C4orf50: variants seen among roughly 807,000 people sequenced by gnomAD.
The protein encoded by C4orf50 is chromosome 4 open reading frame 50, also known as uncharacterized protein C4orf50.
In C4orf50, 80 loss-of-function variants were observed where a neutral mutation model predicts 77.2. The observed-to-expected ratio is 1.04, with a 90% CI of 0.87 to 1.25. The LOEUF (loss-of-function observed/expected upper bound fraction) is 1.25, where lower values mean the gene tolerates loss of function less well. Ranked by LOEUF, C4orf50 falls within the 50% of genes most tolerant of loss-of-function variation. The pLI is 0.00. For missense variants in C4orf50, 1,257 were observed against 1,152.9 expected (o/e 1.09, Z -1.31); for synonymous variants, 532 against 465.3 (o/e 1.14, Z -1.84).
Position 6,009,411 on chromosome 4 carries a change from C to G in C4orf50, c.427-879G>C, listed in dbSNP as rs535342032. Among the ~76,000 whole-genome samples, 63 of 152,210 alleles carry G rather than the reference C, an allele frequency of 4.1e-4. No homozygotes were observed. Among genetic ancestry groups the G allele is most frequent in the Non-Finnish European group, 7.9e-4 (54 of 68,036 alleles). On this transcript the variant is annotated intron_variant, in intron 24 of 33. Transcript: ENST00000531445. This position sits in a 1 kb window ranked among gnomAD's most constrained non-coding sequence, Gnocchi z 5.6. Reference sequence around the variant, plus strand: ...AAAACAAAAACAAACAAACTAAGAGCAAACGTGAAAGAGGAAACCTGGAAA... The same window carrying G: ...AAAACAAAAACAAACAAACTAAGAGGAAACGTGAAAGAGGAAACCTGGAAA...
At chr4:6,014,016 T>G (rs1217967688) in intron 23 of C4orf50, among the ~76,000 whole-genome samples, 1 of 151,984 alleles carries the variant, frequency 6.6e-6, no homozygotes, top group African/African-American at 2.4e-5. Flanking sequence ...TTTTTTTTTT[T>G]TTTGAGATGG....
rs905943788 is a variant in C4orf50 at position 5,946,433 on chromosome 4, C to T, written c.*2474+10468G>A. 4.6e-5 allele frequency among the ~76,000 whole-genome samples: 7 copies of T among 152,142 alleles called. No individual in the cohort carries two copies. The South Asian group carries it at 1.2e-3, about 27-fold the overall frequency. On this transcript the variant is annotated intron_variant, in intron 7 of 7. Transcript: ENST00000324058. ...TTTCCCTTCTCGTTAAAGAATAAAT[C>T]GTAAGTGTTAGAAATAATAGTTTCT...
chr4:6,004,340 T>C (rs1197122330), intron 25 of C4orf50, among the ~76,000 whole-genome samples: 2 of 128,276 alleles, frequency 1.6e-5, no homozygotes, highest in Non-Finnish European at 3.2e-5. Flanking sequence ...ATGATGGTGA[T>C]GGTGATGATG....
At chr4:5,973,510 G>A (rs1378129748) in intron 31 of C4orf50, 149 bp downstream of exon 9, 1 of 699,420 alleles carries the variant, frequency 1.4e-6, no homozygotes, top group African/African-American at 1.8e-5. Context: ...CATGGGCACA[G>A]AGGAAAAGCC....
chr4:6,013,537 G>C (rs1377786050), intron 23 of C4orf50, among the ~76,000 whole-genome samples: 1 of 152,186 alleles, frequency 6.6e-6, no homozygotes, highest in Non-Finnish European at 1.5e-5. Flanking sequence ...TGGAACCTAT[G>C]AATGTTACCT....
At chr4:5,935,480 C>T (rs1717966780) in intron 7 of C4orf50, among the ~76,000 whole-genome samples, 1 of 152,186 alleles carries the variant, frequency 6.6e-6, no homozygotes, top group South Asian at 2.1e-4. Context: ...CTGAAACACA[C>T]AGGATTCCTA....
chr4:5,970,183 G>A lies in C4orf50; in HGVS notation c.4105-2721C>T, dbSNP rs1417773802. On this transcript the variant is annotated intron_variant, in intron 31 of 33. Coordinates refer to ENST00000531445, the Ensembl canonical transcript of C4orf50. The surrounding 1 kb of genome is among the most constrained non-coding windows in gnomAD (Gnocchi z 4.3). Reference sequence around the variant, plus strand: ...AAAAGGCCCACTGGGGCTAGGGGTCGGGGGGCATAGAGAGGAAGCAAAACA... The same window carrying A: ...AAAAGGCCCACTGGGGCTAGGGGTCAGGGGGCATAGAGAGGAAGCAAAACA... Among the ~76,000 whole-genome samples, 1 of 151,696 alleles carries A rather than the reference G, an allele frequency of 6.6e-6. No homozygotes were observed. The highest frequency in any genetic ancestry group is 1.5e-5 in the Non-Finnish European group (1 of 67,928).
intron 33 of C4orf50, among the ~76,000 whole-genome samples, chr4:5,963,532 T>C (rs6826497): frequency 0.65 from 98,552 of 152,042 alleles, 32,666 homozygotes; most frequent in African/African-American, 0.69. Flanking sequence ...CATGATTTCA[T>C]TGAATTGTCC....
intron 7 of C4orf50, among the ~76,000 whole-genome samples, chr4:5,927,121 G>T (rs539792819): frequency 8.5e-5 from 13 of 152,180 alleles, no homozygotes; most frequent in African/African-American, 3.1e-4. Flanking sequence ...GGAGATGGAG[G>T]TGGCAGAGAA....
At chr4:5,921,717 G>A (rs1289247790) in intron 7 of C4orf50, among the ~76,000 whole-genome samples, 2 of 152,182 alleles carry the variant, frequency 1.3e-5, no homozygotes, top group Non-Finnish European at 2.9e-5. Context: ...TGCAAAGGTA[G>A]AGAGTTTGGA....
chr4:5,976,330 C>T (rs988873149), intron 29 of C4orf50, among the ~76,000 whole-genome samples: 1 of 151,930 alleles, frequency 6.6e-6, no homozygotes, highest in Non-Finnish European at 1.5e-5. Context: ...GTGGTGGGCA[C>T]CTGTAGTCCC....
rs971847878 is a variant in C4orf50, at chr4:5,916,375, T to C, written c.*2475-18187A>G. On this transcript the variant is annotated intron_variant, in intron 7 of 7. Coordinates refer to the C4orf50 transcript ENST00000324058. This position sits in a 1 kb window ranked among gnomAD's most constrained non-coding sequence, Gnocchi z 4.4. ...GCTTAACCACGCCGAACAGACAGCC[T>C]TGGGTCCCTGCCCACCACAGAGAAG... 4.1e-5 allele frequency among the ~76,000 whole-genome samples: 6 copies of C among 146,850 alleles called. No individual in the cohort carries two copies. Among genetic ancestry groups the C allele is most frequent in the African/African-American group, 1.6e-4 (6 of 36,404 alleles).
At chr4:5,930,429 A>C (rs1717716387) in intron 7 of C4orf50, among the ~76,000 whole-genome samples, 1 of 152,184 alleles carries the variant, frequency 6.6e-6, no homozygotes, top group African/African-American at 2.4e-5. Context: ...GTATTTGCTC[A>C]ATCCACCACC....
intron 25 of C4orf50, among the ~76,000 whole-genome samples, chr4:6,004,218 G>GTGA (rs1560598772): frequency 2.2e-5 from 1 of 45,150 alleles, no homozygotes; most frequent in Non-Finnish European, 4.4e-5. Context: ...GATGGTGATG[G>GTGA]TGATGATGTG....
chr4:5,981,354 T>C (rs577972832), intron 28 of C4orf50, among the ~76,000 whole-genome samples: 2 of 152,116 alleles, frequency 1.3e-5, no homozygotes, highest in South Asian at 2.1e-4. Context: ...CCTCTGATGC[T>C]TTCCCTGAGA....
intron 31 of C4orf50, among the ~76,000 whole-genome samples, chr4:5,971,454 GCT>G (rs775380569): frequency 2.0e-4 from 31 of 152,240 alleles, no homozygotes; most frequent in Middle Eastern, 6.8e-3. Flanking sequence ...CCAGCCTGGA[GCT>G]CTCTGAATTT....
At chr4:5,993,270 G>T (rs1721395428) in intron 26 of C4orf50, among the ~76,000 whole-genome samples, 1 of 152,210 alleles carries the variant, frequency 6.6e-6, no homozygotes, top group Non-Finnish European at 1.5e-5. Flanking sequence ...CCCCAGCTCT[G>T]CACAGCTGGC....
chr4:6,013,824 G>A (rs993335278), intron 23 of C4orf50, among the ~76,000 whole-genome samples: 1 of 152,190 alleles, frequency 6.6e-6, no homozygotes, highest in East Asian at 1.9e-4. Context: ...TCCACCGACA[G>A]CTCGACTAGC....
chr4:5,979,601 A>T (rs1720459848), intron 29 of C4orf50, among the ~76,000 whole-genome samples: 1 of 152,244 alleles, frequency 6.6e-6, no homozygotes, highest in Non-Finnish European at 1.5e-5. Flanking sequence ...AGTTGTAAGA[A>T]ATAATACAGA....
Sources: gnomAD v4.1 joint callset for allele counts (sites outside exome capture counted in the v4.1 genomes callset) on GRCh38, gnomAD v4.1.1 for gene constraint, Gnocchi (gnomAD v3.1) non-coding constraint, MANE v1.5 for transcripts, NCBI Gene and HGNC (gene_info 2026-07-23, HGNC 2026-07-21) for gene names.